Variants in PRKN observed in about 807,000 individuals in gnomAD.
PRKN encodes E3 ubiquitin-protein ligase parkin.
A neutral mutation model predicts 59.5 loss-of-function variants in PRKN; 56 were observed. The observed-to-expected ratio is 0.94, with a 90% confidence interval of 0.76 to 1.18. PRKN has a LOEUF of 1.18. PRKN is among the 50% of genes most tolerant of loss of function. The pLI is 0.00. For missense variants in PRKN, 657 were observed against 596.4 expected (o/e 1.10, Z -1.06); for synonymous variants, 250 against 222.1 (o/e 1.13, Z -1.12).
At chr6:161,860,833 T>G (rs1793866706) in intron 6 of PRKN, among the ~76,000 whole-genome samples, 1 of 152,184 alleles carries the variant, frequency 6.6e-6, no homozygotes, top group Admixed American at 6.6e-5. Context: ...AAACAAAAGC[T>G]CATCATCACT....
intron 7 of PRKN, among the ~76,000 whole-genome samples, chr6:161,580,478 GTTGT>G (rs993734632): frequency 7.9e-5 from 12 of 152,090 alleles, no homozygotes; most frequent in East Asian, 3.9e-4. Flanking sequence ...TTTTTTTGTT[GTTGT>G]TTGTTTGTTT....
At chr6:161,753,435 G>A (rs970697685) in intron 7 of PRKN, among the ~76,000 whole-genome samples, 2 of 152,216 alleles carry the variant, frequency 1.3e-5, no homozygotes, top group African/African-American at 4.8e-5. Context: ...TGGAAAGAGA[G>A]AAGAAGGAAT....
At chr6:162,489,617 C>T (rs181912089) in intron 1 of PRKN, among the ~76,000 whole-genome samples, 112 of 152,310 alleles carry the variant, frequency 7.4e-4, no homozygotes, top group Non-Finnish European at 1.3e-3. Context: ...CACTTCAAGC[C>T]TCAAATTTCA....
intron 4 of PRKN, among the ~76,000 whole-genome samples, chr6:162,187,631 A>G (rs535734362): frequency 6.6e-6 from 1 of 152,284 alleles, no homozygotes; most frequent in Admixed American, 6.5e-5. Context: ...GAGACTGGAC[A>G]CTACTATGTA....
At chr6:162,329,852 G>A (rs1321217387) in intron 2 of PRKN, among the ~76,000 whole-genome samples, 1 of 152,146 alleles carries the variant, frequency 6.6e-6, no homozygotes, top group Admixed American at 6.5e-5. Flanking sequence ...CCAAGATAAT[G>A]GAGGTAAACT....
chr6:162,727,678 G>T lies in PRKN; in HGVS notation c.-10C>A, dbSNP rs1406908273. 1 of 1,577,928 alleles carries T rather than the reference G, an allele frequency of 6.3e-7. No homozygotes were observed. Among genetic ancestry groups the T allele is most frequent in the East Asian group, 2.4e-5 (1 of 42,386 alleles). On this transcript the variant is annotated 5_prime_UTR_variant, in exon 1 of 12. Transcript: ENST00000366898. ...CCCACGTACCTATCATGGTCACTGG[G>T]TAGGTGGCGGCTGCGGGCCAGGAAC...
chr6:161,941,777 A>G (rs1163928414), intron 6 of PRKN, among the ~76,000 whole-genome samples: 1 of 152,110 alleles, frequency 6.6e-6, no homozygotes, highest in Non-Finnish European at 1.5e-5. Context: ...CCCCCATGAC[A>G]TGCCCTGGGA....
intron 2 of PRKN, among the ~76,000 whole-genome samples, chr6:162,301,778 C>T (rs1408240665): frequency 3.2e-5 from 2 of 62,918 alleles, no homozygotes; most frequent in Non-Finnish European, 3.3e-5. Context: ...ATAAATTGGC[C>T]GGGGCGGGGG....
In PRKN at chr6:161,540,440, TTAGA is replaced by T. The variant is rs1779577109; in HGVS notation, c.1083+8410_1083+8413del. Among the ~76,000 whole-genome samples, 5 of 152,308 alleles carry T rather than the reference TTAGA, an allele frequency of 3.3e-5. No individual in the cohort carries two copies. In the South Asian group the frequency reaches 1.0e-3, roughly 32 times the overall value. On this transcript the variant is annotated intron_variant, in intron 9 of 11. Transcript: ENST00000366898. ...ATAAAAATATATATCAATGGCAGTG[TTAGA>T]AAGAAAAAGATTTTACTGTAAAAAT...
At chr6:162,206,048 G>C (rs1784923477) in intron 3 of PRKN, among the ~76,000 whole-genome samples, 1 of 152,092 alleles carries the variant, frequency 6.6e-6, no homozygotes, top group African/African-American at 2.4e-5. Context: ...GAAGGAAGAA[G>C]GTTTTACTCG....
At chr6:162,223,612 GACACACACACACACACACACACACAC>G (rs34881644) in intron 3 of PRKN, among the ~76,000 whole-genome samples, 1 of 129,248 alleles carries the variant, frequency 7.7e-6, no homozygotes, top group East Asian at 2.8e-4. Flanking sequence ...ATAGACACGT[GACACACACACACACACACACACACAC>G]ACACACACAC....
intron 2 of PRKN, among the ~76,000 whole-genome samples, chr6:162,318,607 T>G (rs1782847990): frequency 6.6e-6 from 1 of 152,070 alleles, no homozygotes; most frequent in East Asian, 1.9e-4. Flanking sequence ...TTGAACTTTT[T>G]ACTTCCTTTT....
chr6:162,103,918 C>T lies in PRKN; in HGVS notation c.535-49744G>A, dbSNP rs139365183. ...AGAGCATAAGATGCTCCGAGAGGGT[C>T]GGCCTTATACGATTTAAGCTGGGCC... On this transcript the variant is annotated intron_variant, in intron 4 of 11. Coordinates refer to ENST00000366898, the MANE Select transcript of PRKN (RefSeq NM_004562.3). 1.3e-3 allele frequency among the ~76,000 whole-genome samples: 198 copies of T among 152,258 alleles called. 4 individuals carry two copies. Among genetic ancestry groups the T allele is most frequent in the African/African-American group, 4.3e-3 (180 of 41,550 alleles).
chr6:162,540,450 GA>G (rs1778884310), intron 1 of PRKN, among the ~76,000 whole-genome samples: 1 of 151,976 alleles, frequency 6.6e-6, no homozygotes. Context: ...ATACAATCCT[GA>G]AAAAGGTGCC....
At chr6:162,459,516 T>C (rs996504170) in intron 1 of PRKN, among the ~76,000 whole-genome samples, 5 of 152,170 alleles carry the variant, frequency 3.3e-5, no homozygotes, top group Non-Finnish European at 5.9e-5. Context: ...CAAAATTACA[T>C]TTACGAGCGT....
At chr6:162,181,616 C>A (rs4708943) in intron 4 of PRKN, among the ~76,000 whole-genome samples, 1 of 151,888 alleles carries the variant, frequency 6.6e-6, no homozygotes, top group African/African-American at 2.4e-5. Context: ...ACATGGTACA[C>A]CTGAGATACA....
intron 2 of PRKN, among the ~76,000 whole-genome samples, chr6:162,422,789 C>CA (rs1400713173): frequency 6.6e-6 from 1 of 151,482 alleles, no homozygotes. Flanking sequence ...TACTAAAATA[C>CA]AAAAAAATTA....
At chr6:162,171,796 T>C (rs1783291261) in intron 4 of PRKN, among the ~76,000 whole-genome samples, 1 of 152,180 alleles carries the variant, frequency 6.6e-6, no homozygotes. Context: ...CATTTGCCTA[T>C]GTGTATACTT....
intron 5 of PRKN, among the ~76,000 whole-genome samples, chr6:162,042,262 G>A (rs1784094029): frequency 6.6e-6 from 1 of 151,904 alleles, no homozygotes; most frequent in Non-Finnish European, 1.5e-5. Context: ...CATAAATGGA[G>A]AAAAATGCAC....
Sources: gnomAD v4.1 joint callset for allele counts (sites outside exome capture counted in the v4.1 genomes callset) on GRCh38, gnomAD v4.1.1 for gene constraint, MANE v1.5 for transcripts, NCBI Gene and HGNC (gene_info 2026-07-23, HGNC 2026-07-21) for gene names.